Variants in C12orf56 observed in about 807,000 individuals in gnomAD.
C12orf56 encodes uncharacterized protein C12orf56.
In C12orf56, 71 loss-of-function variants were observed where a neutral mutation model predicts 69.9. The ratio of observed to expected loss-of-function variants is 1.02; its 90% CI spans 0.84 to 1.24. The LOEUF (loss-of-function observed/expected upper bound fraction) is 1.24, where lower values mean the gene tolerates loss of function less well. C12orf56 is among the 50% of genes most tolerant of loss of function. C12orf56 has a pLI of 0.00. For synonymous variants in C12orf56, 276 were observed against 274.1 expected (o/e 1.01, Z -0.07); for missense variants, 732 against 738.5 (o/e 0.99, Z 0.10).
chr12:64,321,417 C>G (rs2038770949), intron 3 of C12orf56, among the ~76,000 whole-genome samples: 1 of 152,176 alleles, frequency 6.6e-6, no homozygotes, highest in African/African-American at 2.4e-5. Flanking sequence ...TCAAGTGATC[C>G]TCCTGCCTCA....
chr12:64,302,741 C>T (rs771457908), intron 6 of C12orf56, among the ~76,000 whole-genome samples: 7 of 152,136 alleles, frequency 4.6e-5, no homozygotes, highest in Non-Finnish European at 1.0e-4. Context: ...AATGAGGTTG[C>T]CTTGCCTCCC....
rs538488724 is a variant in C12orf56, at chr12:64,344,842, AC to A, written c.415+8051del. Among the ~76,000 whole-genome samples the A allele has an allele frequency of 2.2e-3, 329 of 152,148 alleles. 3 individuals carry two copies. Among genetic ancestry groups the A allele is most frequent in the African/African-American group, 7.5e-3 (312 of 41,504 alleles). On this transcript the variant is annotated intron_variant, in intron 2 of 12. Coordinates refer to ENST00000543942, the MANE Select transcript of C12orf56 (RefSeq NM_001170633.2). The stretch of plus-strand genomic sequence containing the variant: ...CTTTGGATGCCTTCCCCTACATTAA[AC>A]CAAGGGAGATGAGGCATTTCCGGCT...
chr12:64,294,154 A>G (rs747305297), intron 6 of C12orf56, among the ~76,000 whole-genome samples: 16 of 152,160 alleles, frequency 1.1e-4, no homozygotes, highest in Non-Finnish European at 1.9e-4. Flanking sequence ...ACCCATTAGG[A>G]TAGCTACTAT....
intron 3 of C12orf56, among the ~76,000 whole-genome samples, chr12:64,330,020 G>A (rs901728377): frequency 3.3e-5 from 5 of 152,028 alleles, no homozygotes; most frequent in Non-Finnish European, 1.5e-5. Flanking sequence ...AACATGATTT[G>A]TAGTCCTTTG....
In C12orf56 at chr12:64,390,324, G is replaced by C. The variant is rs763441164; in HGVS notation, c.242C>G (p.Ala81Gly). 1.6e-5 allele frequency: 25 copies of C among 1,609,116 alleles called. 2 individuals are homozygous for C. In the South Asian group the frequency reaches 2.2e-4, roughly 14 times the overall value. ...RRVVALRDVV[A>G]IDLIDDYPEF... ...ACCCGCGCCGCTCACCAGGTCAATG[G>C]CCACGACGTCCCGCAGAGCCACTAC... The change falls in exon 1 of 13, where the codon GCC becomes GGC. Residue 81 changes from alanine (A) to glycine (G), a missense_variant. By Grantham distance (60) the Ala-to-Gly change is moderately conservative (BLOSUM62 0). Transcript: ENST00000543942.
At chr12:64,321,311 C>A (rs1402011259) in intron 3 of C12orf56, among the ~76,000 whole-genome samples, 1 of 152,044 alleles carries the variant, frequency 6.6e-6, no homozygotes. Context: ...TTCTCTCTCC[C>A]ATAAGATTAG....
intron 5 of C12orf56, among the ~76,000 whole-genome samples, chr12:64,305,467 C>G (rs970778691): frequency 6.6e-6 from 1 of 152,078 alleles, no homozygotes; most frequent in East Asian, 1.9e-4. Flanking sequence ...CCGCAACCTC[C>G]GCCTCCTGAG....
At chr12:64,362,730 T>G (rs1285487319) in intron 1 of C12orf56, among the ~76,000 whole-genome samples, 1 of 152,006 alleles carries the variant, frequency 6.6e-6, no homozygotes, top group Non-Finnish European at 1.5e-5. Context: ...GAATGGCTAC[T>G]CCACAGGCTA....
At chr12:64,384,916 T>C (rs1267338249) in intron 1 of C12orf56, among the ~76,000 whole-genome samples, 1 of 151,756 alleles carries the variant, frequency 6.6e-6, no homozygotes, top group Non-Finnish European at 1.5e-5. Context: ...TAACCGGGTG[T>C]GGTGGTGCGA....
At chr12:64,296,505 G>T (rs1234902647) in intron 6 of C12orf56, among the ~76,000 whole-genome samples, 1 of 152,148 alleles carries the variant, frequency 6.6e-6, no homozygotes, top group Non-Finnish European at 1.5e-5. Context: ...CAACTGGAGA[G>T]GAATTTGCCT....
At chr12:64,376,657 T>A (rs1213694240) in intron 1 of C12orf56, among the ~76,000 whole-genome samples, 1 of 138,126 alleles carries the variant, frequency 7.2e-6, no homozygotes, top group Non-Finnish European at 1.6e-5. Context: ...TTCCCCACTA[T>A]GTGTCCATGT....
intron 6 of C12orf56, among the ~76,000 whole-genome samples, chr12:64,287,261 A>AAAGAAGAAGAAGAAGAAGAAGAAG (rs1170967895): frequency 4.4e-5 from 3 of 67,594 alleles, no homozygotes; most frequent in Admixed American, 1.9e-4. Context: ...AAAAAAAAAA[A>AAAGAAGAAGAAGAAGAAGAAGAAG]AAGAAGAAGA....
intron 1 of C12orf56, 36 bp downstream of exon 1, chr12:64,390,278 C>T (rs1316322801): frequency 1.9e-6 from 3 of 1,563,482 alleles, no homozygotes; most frequent in East Asian, 2.3e-5. Flanking sequence ...GTTCTCACTG[C>T]GCTCCCGAGC....
intron 2 of C12orf56, chr12:64,338,648 T>C: frequency 6.3e-7 from 1 of 1,592,490 alleles, no homozygotes; most frequent in Admixed American, 1.7e-5. Flanking sequence ...CTTTAGTCTT[T>C]GGGTTTGCAC....
At chr12:64,377,721 T>C (rs531905470) in intron 1 of C12orf56, among the ~76,000 whole-genome samples, 1 of 152,348 alleles carries the variant, frequency 6.6e-6, no homozygotes, top group South Asian at 2.1e-4. Context: ...ATCTAGTTTC[T>C]GATTTGTTCA....
chr12:64,275,343 A>G lies in C12orf56; in HGVS notation c.1464T>C (p.Asn488=), dbSNP rs766171552. The G allele has an allele frequency of 1.4e-6, 2 of 1,440,010 alleles. No homozygotes were observed. Among genetic ancestry groups the G allele is most frequent in the South Asian group, 1.5e-5 (1 of 67,408 alleles). The allele number at this position is 1,440,010 out of a possible 1,614,324, so 89.2% of individuals were successfully genotyped here. A position where few individuals can be genotyped will look rare whatever the true frequency, so the allele number is the denominator to read the frequency against. ...TCTCATATAAAAGTGCTGTAGCAGT[A>G]TTTGTATACTCCAGAATAAGCTTCT... The part of the protein sequence containing the change: ...ELQKLILEYT[N]TATALLYEIL... Residue 488 remains asparagine (N), a synonymous_variant, in exon 10 of 13, where the codon AAT becomes AAC. Transcript: ENST00000543942.
rs1291363676 is a variant in C12orf56 at position 64,352,924 on chromosome 12, A to G, written c.385T>C (p.Phe129Leu). ...TTGTTGTTAGCTTTAGTATGATGAA[A>G]TGGAAATAGGAATTTCCTGACACTG... is the stretch of plus-strand genomic sequence containing the variant. ...SNSVRKFLFP[F>L]HHTKANNKKV... The change falls in exon 2 of 13, where the codon TTT becomes CTT. Residue 129 changes from phenylalanine (F) to leucine (L), a missense_variant. Phe to Leu is a conservative substitution (Grantham distance 22, BLOSUM62 0). Coordinates refer to ENST00000543942, the MANE Select transcript of C12orf56 (RefSeq NM_001170633.2). 8.7e-6 allele frequency: 14 copies of G among 1,612,642 alleles called. No homozygotes were observed. The highest frequency in any genetic ancestry group is 1.1e-5 in the Non-Finnish European group (13 of 1,179,602).
chr12:64,358,954 T>C (rs973206213), intron 1 of C12orf56, among the ~76,000 whole-genome samples: 1 of 152,218 alleles, frequency 6.6e-6, no homozygotes, highest in Non-Finnish European at 1.5e-5. Context: ...CTTATTTGCT[T>C]ATAATGGAGT....
At chr12:64,286,553 A>G (rs988444931) in intron 6 of C12orf56, among the ~76,000 whole-genome samples, 4 of 152,256 alleles carry the variant, frequency 2.6e-5, no homozygotes, top group African/African-American at 9.6e-5. Flanking sequence ...TCTTCTGGTA[A>G]TACAGTGGAA....
Sources: gnomAD v4.1 joint callset for allele counts (sites outside exome capture counted in the v4.1 genomes callset) on GRCh38, gnomAD v4.1.1 for gene constraint, MANE v1.5 for transcripts, NCBI Gene and HGNC (gene_info 2026-07-23, HGNC 2026-07-21) for gene names.